CDH4: variants seen among roughly 807,000 people sequenced by gnomAD.
CDH4 encodes the protein cadherin-4.
Under a neutral mutation model 86.0 loss-of-function variants are expected in CDH4, and 33 were observed. That is an observed-to-expected ratio of 0.38 (90% CI 0.29 to 0.51). The LOEUF (loss-of-function observed/expected upper bound fraction) is 0.51, where lower values mean the gene tolerates loss of function less well. CDH4 is among the 20% of genes least tolerant of loss of function. The pLI, the probability that CDH4 is intolerant of heterozygous loss-of-function variation, is 0.86. For missense variants in CDH4, 1,114 were observed against 1,307.4 expected (o/e 0.85, Z 2.28); for synonymous variants, 555 against 549.4 (o/e 1.01, Z -0.14).
At chr20:61,818,689 T>TAAA (rs150034277) in intron 4 of CDH4, among the ~76,000 whole-genome samples, 21 of 141,628 alleles carry the variant, frequency 1.5e-4, no homozygotes, top group South Asian at 1.3e-3. Flanking sequence ...AACTAAAAAT[T>TAAA]TAAAAAAAAA....
chr20:61,383,949 G>T (rs1279820670), intron 2 of CDH4, among the ~76,000 whole-genome samples: 2 of 151,846 alleles, frequency 1.3e-5, no homozygotes, highest in Non-Finnish European at 2.9e-5. Flanking sequence ...GCCATCTGCA[G>T]GCTGAGAAGC....
At chr20:61,764,292 C>T (rs141087416) in intron 3 of CDH4, among the ~76,000 whole-genome samples, 106 of 152,334 alleles carry the variant, frequency 7.0e-4, no homozygotes, top group Middle Eastern at 3.4e-3. Context: ...CCGGGGCCAC[C>T]GACTTCCAGT....
At chr20:61,461,702 C>G (rs1165747789) in intron 2 of CDH4, among the ~76,000 whole-genome samples, 1 of 152,170 alleles carries the variant, frequency 6.6e-6, no homozygotes, top group Non-Finnish European at 1.5e-5. Flanking sequence ...GTGTTATTTC[C>G]ACATTTGTGA....
At chr20:61,755,913 A>G (rs2088559585) in intron 3 of CDH4, among the ~76,000 whole-genome samples, 1 of 152,222 alleles carries the variant, frequency 6.6e-6, no homozygotes, top group African/African-American at 2.4e-5. Flanking sequence ...AGTTCTGTGT[A>G]TGGTCAGCAG....
chr20:61,514,725 G>A (rs2085805946), intron 2 of CDH4, among the ~76,000 whole-genome samples: 2 of 152,202 alleles, frequency 1.3e-5, no homozygotes, highest in Non-Finnish European at 2.9e-5. Context: ...CATGACCCTT[G>A]GCAATGCAGC....
intron 2 of CDH4, among the ~76,000 whole-genome samples, chr20:61,683,194 G>T (rs560544896): frequency 6.6e-6 from 1 of 152,206 alleles, no homozygotes; most frequent in South Asian, 2.1e-4. Flanking sequence ...AGTGCACGCA[G>T]CTGTACTCTC....
chr20:61,762,661 C>T (rs1461256258), intron 3 of CDH4, among the ~76,000 whole-genome samples: 4 of 152,234 alleles, frequency 2.6e-5, no homozygotes, highest in African/African-American at 7.2e-5. Flanking sequence ...GTCCTCTCAC[C>T]GTTCCTTGAC....
At chr20:61,803,440 C>G (rs1979944486) in intron 4 of CDH4, among the ~76,000 whole-genome samples, 1 of 152,236 alleles carries the variant, frequency 6.6e-6, no homozygotes, top group African/African-American at 2.4e-5. Flanking sequence ...AACTGTTCAA[C>G]TTTATTTGGA....
chr20:61,419,787 C>T (rs188083096), intron 2 of CDH4, among the ~76,000 whole-genome samples: 230 of 152,346 alleles, frequency 1.5e-3, no homozygotes, highest in African/African-American at 5.3e-3. Flanking sequence ...CCTTCCACCC[C>T]GGAGAGGCCA....
intron 2 of CDH4, among the ~76,000 whole-genome samples, chr20:61,652,938 A>ATTTTTTTATTTTTTTTTTTTTTTT (rs1555819717): frequency 4.1e-5 from 4 of 97,396 alleles, no homozygotes; most frequent in African/African-American, 1.4e-4. Flanking sequence ...TTATTTATTT[A>ATTTTTTTATTTTTTTTTTTTTTTT]TTTTTTTTTT....
intron 2 of CDH4, among the ~76,000 whole-genome samples, chr20:61,301,285 A>T (rs1377415155): frequency 6.6e-6 from 1 of 152,268 alleles, no homozygotes; most frequent in Non-Finnish European, 1.5e-5. Context: ...CCAAGGGGAT[A>T]CAGTGCTGGG....
At chr20:61,656,316 A>G (rs1236766083) in intron 2 of CDH4, among the ~76,000 whole-genome samples, 4 of 19,614 alleles carry the variant, frequency 2.0e-4, no homozygotes, top group African/African-American at 7.3e-4. Context: ...CACGTGCTGA[A>G]GTGGGCAGGC....
In CDH4 at chr20:61,510,301, T is replaced by C. The variant is rs1301616496; in HGVS notation, c.170-233262T>C. On this transcript the variant is annotated intron_variant, in intron 2 of 15. Transcript: ENST00000614565. The surrounding 1 kb of genome is among the most constrained non-coding windows in gnomAD (Gnocchi z 4.2). ...GTTTTGGGGGGGCCAGGAACGTGCA[T>C]TCAGGGGAGTTTCTATTTGCCCAGG... Among the ~76,000 whole-genome samples, 2 of 152,122 alleles carry C rather than the reference T, an allele frequency of 1.3e-5. No homozygotes were observed. Among genetic ancestry groups the C allele is most frequent in the Non-Finnish European group, 2.9e-5 (2 of 68,024 alleles).
intron 12 of CDH4, among the ~76,000 whole-genome samples, chr20:61,929,293 C>T (rs749068641): frequency 7.9e-5 from 12 of 152,064 alleles, no homozygotes; most frequent in East Asian, 1.9e-4. Flanking sequence ...TTGCACCACA[C>T]GCCCGGCTAA....
At chr20:61,259,511 G>A (rs1464341066) in intron 2 of CDH4, among the ~76,000 whole-genome samples, 4 of 152,188 alleles carry the variant, frequency 2.6e-5, no homozygotes, top group Admixed American at 6.5e-5. Context: ...TGAATGAGCC[G>A]GAAAATACTG....
chr20:61,586,866 G>T (rs1371918094), intron 2 of CDH4, among the ~76,000 whole-genome samples: 1 of 152,092 alleles, frequency 6.6e-6, no homozygotes, highest in African/African-American at 2.4e-5. Flanking sequence ...ATCCACTGAG[G>T]CACATTATTT....
intron 4 of CDH4, among the ~76,000 whole-genome samples, chr20:61,823,414 G>T (rs916999834): frequency 6.6e-6 from 1 of 151,588 alleles, no homozygotes. Context: ...GATGATGAAG[G>T]TGATAGTGAT....
At chr20:61,342,353 T>G (rs1489897588) in intron 2 of CDH4, among the ~76,000 whole-genome samples, 1 of 152,216 alleles carries the variant, frequency 6.6e-6, no homozygotes, top group Non-Finnish European at 1.5e-5. Flanking sequence ...GTGGGAGCCC[T>G]GAGCTTGTTT....
intron 6 of CDH4, among the ~76,000 whole-genome samples, chr20:61,867,907 G>A (rs1194269758): frequency 6.6e-6 from 1 of 152,196 alleles, no homozygotes; most frequent in Non-Finnish European, 1.5e-5. Flanking sequence ...GATGACTCCG[G>A]CCATCTCAGA....
Sources: gnomAD v4.1 joint callset for allele counts (sites outside exome capture counted in the v4.1 genomes callset) on GRCh38, gnomAD v4.1.1 for gene constraint, Gnocchi (gnomAD v3.1) non-coding constraint, MANE v1.5 for transcripts, NCBI Gene and HGNC (gene_info 2026-07-23, HGNC 2026-07-21) for gene names.